TMEM67: variants seen among roughly 807,000 people sequenced by gnomAD.
TMEM67 encodes transmembrane protein 67.
TMEM67 carries 124 observed loss-of-function variants against 136.6 expected under a neutral mutation model. That is an observed-to-expected ratio of 0.91 (90% CI 0.78 to 1.05). TMEM67 has a LOEUF of 1.05. TMEM67 is among the 50% of genes least tolerant of loss of function. TMEM67 has a pLI of 0.00. For synonymous variants in TMEM67, 364 were observed against 390.5 expected (o/e 0.93, Z 0.80); for missense variants, 1,107 against 1,178.4 (o/e 0.94, Z 0.89).
chr8:93,771,389 C>A (rs1813325157), intron 6 of TMEM67, among the ~76,000 whole-genome samples: 1 of 151,986 alleles, frequency 6.6e-6, no homozygotes, highest in African/African-American at 2.4e-5. Context: ...AGCATAGCTC[C>A]TGTGTTGTTT....
At position 93,780,951 on chromosome 8, in the gene TMEM67, C is replaced by T; in HGVS notation, c.947C>T (p.Pro316Leu). Residue 316 changes from proline (P) to leucine (L), a missense_variant, in exon 9 of 28, where the codon CCT (proline) becomes CTT (leucine). Coordinates refer to ENST00000453321, the MANE Select transcript of TMEM67 (RefSeq NM_153704.6). ...APQVLSSTSL[P>L]TNFSFKGENQ... ...CAAGTGCTCAGTTCTACCTCTCTTC[C>T]TACAAATTTCAGTTTTAAAGGAGAA... is the stretch of plus-strand genomic sequence containing the variant. 1.2e-6 allele frequency: 2 copies of T among 1,611,552 alleles called. No individual in the cohort carries two copies. Among genetic ancestry groups the T allele is most frequent in the Non-Finnish European group, 1.7e-6 (2 of 1,179,286 alleles).
chr8:93,815,277 A>T (rs1808861323), intron 26 of TMEM67, 28 bp from the exon 27 acceptor site: 3 of 1,444,742 alleles, frequency 2.1e-6, no homozygotes, highest in Non-Finnish European at 2.8e-6. Context: ...TAAATTTCTA[A>T]TTTATATTTT....
chr8:93,828,880 T>C, the TMEM67 span, among the ~76,000 whole-genome samples: 1 of 152,206 alleles, frequency 6.6e-6, no homozygotes, highest in Admixed American at 6.5e-5. Context: ...GTTTAGTTCA[T>C]TTTTATTATA....
At chr8:93,803,794 A>G (rs1302339617) in intron 22 of TMEM67, 110 bp downstream of exon 22, 5 of 712,490 alleles carry the variant, frequency 7.0e-6, no homozygotes, top group African/African-American at 3.5e-5. Flanking sequence ...TTTTTGGGCC[A>G]ATTTTCCACT....
Position 93,755,009 on chromosome 8 carries a change from G to A in TMEM67, c.95G>A (p.Arg32His), listed in dbSNP as rs1465662324. The change falls in exon 1 of 28, where the codon CGC becomes CAC. Residue 32 changes from arginine to histidine, a missense_variant. By Grantham distance (29) the Arg-to-His change is conservative (BLOSUM62 0). This residue lies in a region of TMEM67 where 178 missense variants were observed against 159.2 expected (regional missense o/e 1.12). Transcript: ENST00000453321. ...VTAFLLLFLP[R>H]FLQAQTFSFP... ...GCGTTCCTTCTGTTGTTCCTCCCTCGCTTCTTACAGGCCCAGACCTTCTCT... is the reference window on the plus strand; with the variant it reads ...GCGTTCCTTCTGTTGTTCCTCCCTCACTTCTTACAGGCCCAGACCTTCTCT... The A allele has an allele frequency of 6.2e-7, 1 of 1,614,140 alleles. No individual in the cohort carries two copies. The highest frequency in any genetic ancestry group is 8.5e-7 in the Non-Finnish European group (1 of 1,180,020).
intron 17 of TMEM67, 59 bp downstream of exon 17, chr8:93,795,566 T>C: frequency 7.2e-7 from 1 of 1,387,920 alleles, no homozygotes; most frequent in South Asian, 1.2e-5. Context: ...AAAAGCTTTC[T>C]TTATAAAGGA....
At chr8:93,800,374 A>G (rs554448153) in intron 21 of TMEM67, among the ~76,000 whole-genome samples, 9 of 152,152 alleles carry the variant, frequency 5.9e-5, no homozygotes, top group Non-Finnish European at 1.3e-4. Context: ...TAGAAAATAC[A>G]GTGTTCACAG....
chr8:93,775,941 G>C (rs1171551618), intron 7 of TMEM67, among the ~76,000 whole-genome samples: 2 of 152,188 alleles, frequency 1.3e-5, no homozygotes, highest in Non-Finnish European at 2.9e-5. Context: ...AGTTACCTGA[G>C]GCAGTAGGGC....
intron 7 of TMEM67, among the ~76,000 whole-genome samples, chr8:93,777,200 G>A (rs532835003): frequency 5.3e-5 from 8 of 152,010 alleles, no homozygotes; most frequent in East Asian, 1.9e-4. Context: ...TGGTGATATC[G>A]CCTTTATCAT....
intron 23 of TMEM67, among the ~76,000 whole-genome samples, chr8:93,808,533 ATCTATAATC>A (rs1438352668): frequency 0.092 from 668 of 7,282 alleles, no homozygotes; most frequent in South Asian, 0.14. Context: ...ATCTATATAT[ATCTATAATC>A]TATATATATC....
chr8:93,799,596 C>T (rs2130743472), intron 20 of TMEM67, 22 bp from the exon 21 acceptor site: 3 of 1,587,328 alleles, frequency 1.9e-6, no homozygotes, highest in Admixed American at 3.4e-5. Flanking sequence ...GTTTAAATTA[C>T]TACTTTTCCT....
rs1243435493 is a variant in TMEM67, at chr8:93,754,990, C to A, written c.76C>A (p.Leu26Ile). 1.2e-6 allele frequency: 2 copies of A among 1,614,236 alleles called. No individual in the cohort carries two copies. Among genetic ancestry groups the A allele is most frequent in the Non-Finnish European group, 1.7e-6 (2 of 1,180,036 alleles). Reference protein sequence around the residue: ...LLSARAVTAFLLLFLPRFLQA... With the variant: ...LLSARAVTAFILLFLPRFLQA... ...ATCCGCCCGGGCCGTGACCGCGTTCCTTCTGTTGTTCCTCCCTCGCTTCTT... is the reference window on the plus strand; with the variant it reads ...ATCCGCCCGGGCCGTGACCGCGTTCATTCTGTTGTTCCTCCCTCGCTTCTT... The change falls in exon 1 of 28, where the codon CTT (leucine) becomes ATT (isoleucine). Residue 26 changes from leucine to isoleucine, a missense_variant. Physicochemically the swap from Leu to Ile is conservative, Grantham distance 5 (BLOSUM62 2). Transcript: ENST00000453321.
chr8:93,755,750 G>GTT (rs1812539086), intron 1 of TMEM67, 28 bp from the exon 2 acceptor site: 9 of 1,001,038 alleles, frequency 9.0e-6, no homozygotes, highest in East Asian at 5.5e-5. Context: ...GATAAAATTG[G>GTT]CTTTTTTTTT....
At position 93,754,971 on chromosome 8, in the gene TMEM67, C is replaced by A. The variant is rs749429162; in HGVS notation, c.57C>A (p.Ala19=). 1.9e-6 allele frequency: 3 copies of A among 1,614,192 alleles called. No homozygotes were observed. Among genetic ancestry groups the A allele is most frequent in the South Asian group, 2.2e-5 (2 of 91,082 alleles). ...TGGCGGTTTGGTCCCTCTTATCCGC[C>A]CGGGCCGTGACCGCGTTCCTTCTGT... ...VAMAVWSLLS[A]RAVTAFLLLF... is the part of the protein sequence containing the mutation. Residue 19 remains alanine, a synonymous_variant, in exon 1 of 28, where the codon GCC becomes GCA. Transcript: ENST00000453321.
chr8:93,808,238 TTAAATATATAAATATATGTGA>T (rs1380435030), intron 23 of TMEM67, among the ~76,000 whole-genome samples: 1 of 145,944 alleles, frequency 6.9e-6, no homozygotes, highest in Non-Finnish European at 1.5e-5. Context: ...TATGCTCTAC[TTAAATATATAAATATATGTGA>T]TAAATATATA....
chr8:93,804,597 A>AC (rs1815042230), intron 22 of TMEM67, among the ~76,000 whole-genome samples, 165 bp from the exon 23 acceptor site: 1 of 150,610 alleles, frequency 6.6e-6, no homozygotes, highest in African/African-American at 2.4e-5. Context: ...AAAAAAAAAA[A>AC]CACAAACCTT....
At position 93,769,040 on chromosome 8, in the gene TMEM67, C is replaced by G. The variant is rs189120922; in HGVS notation, c.651+3394C>G. Among the ~76,000 whole-genome samples, 500 of 152,244 alleles carry G rather than the reference C, an allele frequency of 3.3e-3. 1 individual carries two copies. The highest frequency in any genetic ancestry group is 5.6e-3 in the Non-Finnish European group (384 of 68,014). ...TGGTCCCACACGCAGACACTGCAAC[C>G]GTGACCAGAGGATGGGGCACTGGGA... On this transcript the variant is annotated intron_variant, in intron 6 of 27. Coordinates refer to ENST00000453321, the MANE Select transcript of TMEM67 (RefSeq NM_153704.6).
intron 21 of TMEM67, among the ~76,000 whole-genome samples, chr8:93,801,971 G>A (rs1814890321): frequency 6.6e-6 from 1 of 152,186 alleles, no homozygotes; most frequent in Non-Finnish European, 1.5e-5. Flanking sequence ...GATATATTTT[G>A]TGAGTATATC....
chr8:93,767,109 G>C (rs549348210), intron 6 of TMEM67, among the ~76,000 whole-genome samples: 1 of 152,210 alleles, frequency 6.6e-6, no homozygotes, highest in East Asian at 1.9e-4. Flanking sequence ...CTCCGATCTG[G>C]AACTAGGTCC....
Sources: gnomAD v4.1 joint callset for allele counts (sites outside exome capture counted in the v4.1 genomes callset) on GRCh38, gnomAD v4.1.1 for gene constraint, gnomAD v4.1.1 regional missense constraint, MANE v1.5 for transcripts, NCBI Gene and HGNC (gene_info 2026-07-23, HGNC 2026-07-21) for gene names.